The following TMEM140 variants were observed in gnomAD, a reference collection of about 807,000 sequenced individuals.
TMEM140 encodes the protein transmembrane protein 140.
For synonymous variants in TMEM140, 107 were observed against 106.8 expected (o/e 1.00, Z -0.01); for missense variants, 236 against 228.5 (o/e 1.03, Z -0.21).
In TMEM140 at chr7:135,161,990, C is replaced by A. The variant is rs997577772; in HGVS notation, c.-24-2428C>A. ...CCCTTACTGTATTCACAGGCCCCAG[C>A]TCTCCATCAGCCAGCCTGCCCAGGT... is the stretch of plus-strand genomic sequence containing the variant. On this transcript the variant is annotated intron_variant, in intron 1 of 1. Coordinates refer to ENST00000275767, the MANE Select transcript of TMEM140 (RefSeq NM_018295.5). The surrounding 1 kb of genome is among the most constrained non-coding windows in gnomAD (Gnocchi z 4.1). Among the ~76,000 whole-genome samples the A allele has an allele frequency of 6.6e-6, 1 of 152,256 alleles. No homozygotes were observed. The highest frequency in any genetic ancestry group is 2.4e-5 in the African/African-American group (1 of 41,464).
chr7:135,149,907 G>T (rs1052697502), intron 1 of TMEM140, among the ~76,000 whole-genome samples: 11 of 152,096 alleles, frequency 7.2e-5, no homozygotes, highest in African/African-American at 2.7e-4. Context: ...TTTCATAGTT[G>T]TGGTAGATAT....
At chr7:135,162,996 T>C (rs927463583) in intron 1 of TMEM140, among the ~76,000 whole-genome samples, 1 of 152,232 alleles carries the variant, frequency 6.6e-6, no homozygotes, top group Non-Finnish European at 1.5e-5. Flanking sequence ...CTAAAAGATA[T>C]TTCTACCCTT....
intron 1 of TMEM140, among the ~76,000 whole-genome samples, chr7:135,158,174 G>A (rs1562924407): frequency 6.6e-6 from 1 of 151,876 alleles, no homozygotes; most frequent in African/African-American, 2.4e-5. Flanking sequence ...GACCAGGAGG[G>A]CAGGGGTCCC....
Position 135,164,802 on chromosome 7 carries a change from G to A in TMEM140, c.361G>A (p.Ala121Thr), listed in dbSNP as rs753056412. The stretch of plus-strand genomic sequence containing the variant: ...GTGGCGGCTGGCAGTGGGCTTCCTG[G>A]CTGTGTCCTCTGTGCTGCTGGCAGG... ...RAWRLAVGFL[A>T]VSSVLLAGGL... The change falls in exon 2 of 2, where the codon GCT becomes ACT. Residue 121 changes from alanine to threonine, a missense_variant. Transcript: ENST00000275767. 5.6e-6 allele frequency: 9 copies of A among 1,614,106 alleles called. No homozygotes were observed. The highest frequency in any genetic ancestry group is 6.8e-6 in the Non-Finnish European group (8 of 1,179,958).
rs1024808998 is a variant in TMEM140 at position 135,164,914 on chromosome 7, A to G, written c.473A>G (p.Gln158Arg). The G allele has an allele frequency of 5.6e-6, 9 of 1,614,178 alleles. No homozygotes were observed. Among genetic ancestry groups the G allele is most frequent in the Non-Finnish European group, 6.8e-6 (8 of 1,180,010 alleles). ...GPGFLALGSAQALLILLLIAM... is the reference protein window; with the variant it reads ...GPGFLALGSARALLILLLIAM... ...GGGTTTCTAGCTCTGGGCAGCGCCC[A>G]GGCCTTACTCATCCTCTTGCTTATA... is the stretch of plus-strand genomic sequence containing the variant. The change falls in exon 2 of 2, where the codon CAG (glutamine) becomes CGG (arginine). Residue 158 changes from glutamine to arginine, a missense_variant. Coordinates refer to ENST00000275767, the MANE Select transcript of TMEM140 (RefSeq NM_018295.5).
At chr7:135,159,136 G>A (rs932437027) in intron 1 of TMEM140, among the ~76,000 whole-genome samples, 3 of 152,162 alleles carry the variant, frequency 2.0e-5, no homozygotes, top group Non-Finnish European at 2.9e-5. Context: ...AAGCTGCCTC[G>A]AATCCTCTCC....
chr7:135,157,734 A>G (rs1829829843), intron 1 of TMEM140, among the ~76,000 whole-genome samples: 1 of 152,340 alleles, frequency 6.6e-6, no homozygotes, highest in African/African-American at 2.4e-5. Flanking sequence ...GCTACTCCCC[A>G]GTCTCACAGC....
chr7:135,157,513 GGTTA>G (rs1829825163), intron 1 of TMEM140, among the ~76,000 whole-genome samples: 1 of 152,252 alleles, frequency 6.6e-6, no homozygotes, highest in African/African-American at 2.4e-5. Context: ...CTGCTCTGGT[GGTTA>G]GTGGGTCTTG....
In TMEM140 at chr7:135,165,019, G is replaced by C. The variant is rs749390569; in HGVS notation, c.*20G>C. On this transcript the variant is annotated 3_prime_UTR_variant, in exon 2 of 2. Transcript: ENST00000275767. Reference sequence around the variant, plus strand: ...TGCTAAAGGCTTACGTGATTGCAAGGGTTCAGTTCCAACCATGGTCAGAGG... The same window carrying C: ...TGCTAAAGGCTTACGTGATTGCAAGCGTTCAGTTCCAACCATGGTCAGAGG... 9.7e-6 allele frequency: 15 copies of C among 1,549,980 alleles called. No individual in the cohort carries two copies. The African/African-American group carries it at 1.6e-4, about 17-fold the overall frequency.
rs376210094 is a variant in TMEM140 at position 135,165,001 on chromosome 7, G to T, written c.*2G>T. 1 of 1,570,912 alleles carries T rather than the reference G, an allele frequency of 6.4e-7. No homozygotes were observed. Among genetic ancestry groups the T allele is most frequent in the Non-Finnish European group, 8.6e-7 (1 of 1,156,122 alleles). ...GAGAGCAAGCTTGAGAGCTGCTAAA[G>T]GCTTACGTGATTGCAAGGGTTCAGT... is the stretch of plus-strand genomic sequence containing the variant. On this transcript the variant is annotated 3_prime_UTR_variant, in exon 2 of 2. Transcript: ENST00000275767.
chr7:135,155,031 T>C (rs1829756373), intron 1 of TMEM140, among the ~76,000 whole-genome samples: 1 of 152,232 alleles, frequency 6.6e-6, no homozygotes, highest in East Asian at 1.9e-4. Context: ...TGGGTACATA[T>C]ATATTTAGGA....
intron 1 of TMEM140, among the ~76,000 whole-genome samples, chr7:135,152,486 T>C (rs866094947): frequency 2.6e-5 from 4 of 152,258 alleles, no homozygotes; most frequent in African/African-American, 9.6e-5. Context: ...GCCTGTCTTC[T>C]TCTCTGGAAA....
chr7:135,154,626 T>C (rs1829743209), intron 1 of TMEM140, among the ~76,000 whole-genome samples: 1 of 152,214 alleles, frequency 6.6e-6, no homozygotes, highest in Non-Finnish European at 1.5e-5. Flanking sequence ...TTCAGGAGCA[T>C]GCTGTTTAAT....
At position 135,151,657 on chromosome 7, in the gene TMEM140, C is replaced by T. The variant is rs538432531; in HGVS notation, c.-25+3387C>T. Among the ~76,000 whole-genome samples, 1 of 152,328 alleles carries T rather than the reference C, an allele frequency of 6.6e-6. No homozygotes were observed. Among genetic ancestry groups the T allele is most frequent in the Admixed American group, 6.5e-5 (1 of 15,298 alleles). On this transcript the variant is annotated intron_variant, in intron 1 of 1. Transcript: ENST00000275767. The surrounding 1 kb of genome is among the most constrained non-coding windows in gnomAD (Gnocchi z 4.3). ...ACACATTGACCCAGTTTGTGTCAGG[C>T]CCCAAGCCCTCTATATGTGAGTGAA...
At chr7:135,160,563 C>G (rs901021394) in intron 1 of TMEM140, among the ~76,000 whole-genome samples, 1 of 152,118 alleles carries the variant, frequency 6.6e-6, no homozygotes, top group African/African-American at 2.4e-5. Flanking sequence ...TTCCTGAATT[C>G]TGTCCATAGT....
rs1351761249 is a variant in TMEM140, at chr7:135,148,193, G to A, written c.-102G>A. 2 of 432,854 alleles carry A rather than the reference G, an allele frequency of 4.6e-6. No individual in the cohort carries two copies. The highest frequency in any genetic ancestry group is 9.1e-6 in the Non-Finnish European group (2 of 219,170). The allele number at this position is 432,854 out of a possible 1,614,324, so 26.8% of individuals were successfully genotyped here. On this transcript the variant is annotated 5_prime_UTR_variant, in exon 1 of 2. Transcript: ENST00000275767. ...TCTGACATTAGAAAGCCAGCGAGAA[G>A]GAAGATTCAAACAACCAACCCTGAT...
Position 135,164,783 on chromosome 7 carries a change from G to C in TMEM140, c.342G>C (p.Arg114=). ...GCAACAGTGATGAGAGAGCGTGGCGGCTGGCAGTGGGCTTCCTGGCTGTGT... is the reference window on the plus strand; with the variant it reads ...GCAACAGTGATGAGAGAGCGTGGCGCCTGGCAGTGGGCTTCCTGGCTGTGT... ...AQCNSDERAW[R]LAVGFLAVSS... is the part of the protein sequence containing the mutation. Residue 114 remains arginine (R), a synonymous_variant, in exon 2 of 2, where the codon CGG becomes CGC. Transcript: ENST00000275767. 2 of 1,614,184 alleles carry C rather than the reference G, an allele frequency of 1.2e-6. No homozygotes were observed. Among genetic ancestry groups the C allele is most frequent in the South Asian group, 2.2e-5 (2 of 91,090 alleles).
At position 135,161,946 on chromosome 7, in the gene TMEM140, G is replaced by A. The variant is rs190673489; in HGVS notation, c.-24-2472G>A. Among the ~76,000 whole-genome samples, 20 of 152,322 alleles carry A rather than the reference G, an allele frequency of 1.3e-4. No individual in the cohort carries two copies. Among genetic ancestry groups the A allele is most frequent in the East Asian group, 1.2e-3 (6 of 5,172 alleles). Reference sequence around the variant, plus strand: ...AGAGAAGCGGCATCTGAGGGGAGGCGGTGGCAGTGTGGACCCCACCCTTAC... The same window carrying A: ...AGAGAAGCGGCATCTGAGGGGAGGCAGTGGCAGTGTGGACCCCACCCTTAC... On this transcript the variant is annotated intron_variant, in intron 1 of 1. Transcript: ENST00000275767. The surrounding 1 kb of genome is among the most constrained non-coding windows in gnomAD (Gnocchi z 4.1).
intron 1 of TMEM140, among the ~76,000 whole-genome samples, chr7:135,156,913 T>C (rs1277519040): frequency 6.6e-6 from 1 of 152,196 alleles, no homozygotes; most frequent in Non-Finnish European, 1.5e-5. Context: ...TGATAGTGAA[T>C]AAGTCTCATG....
Sources: gnomAD v4.1 joint callset for allele counts (sites outside exome capture counted in the v4.1 genomes callset) on GRCh38, gnomAD v4.1.1 for gene constraint, Gnocchi (gnomAD v3.1) non-coding constraint, MANE v1.5 for transcripts, NCBI Gene and HGNC (gene_info 2026-07-23, HGNC 2026-07-21) for gene names.